The following BOP1 variants were observed in gnomAD, a reference collection of about 807,000 sequenced individuals.
The protein encoded by BOP1 is BOP1 ribosomal biogenesis factor, also known as ribosome biogenesis protein BOP1.
BOP1 carries 54 observed loss-of-function variants against 82.9 expected under a neutral mutation model. The ratio of observed to expected loss-of-function variants is 0.65; its 90% CI spans 0.52 to 0.82. The LOEUF (loss-of-function observed/expected upper bound fraction) is 0.82. Ranked by LOEUF, BOP1 falls within the 40% of genes least tolerant of loss-of-function variation. The probability of loss-of-function intolerance (pLI) is 0.00; values close to 1 mark genes in which losing one functional copy is unlikely to be tolerated. For missense variants in BOP1, 1,170 were observed against 1,072.0 expected, an observed-to-expected ratio of 1.09 and a Z score of -1.28; for synonymous variants, 566 against 451.1, an observed-to-expected ratio of 1.25 and a Z score of -3.23.
intron 2 of BOP1, among the ~76,000 whole-genome samples, chr8:144,278,079 C>A (rs959261368): frequency 6.6e-6 from 1 of 152,224 alleles, no homozygotes; most frequent in Non-Finnish European, 1.5e-5. Context: ...CCGCAGTGTG[C>A]GTGGCCTGAC....
intron 3 of BOP1, chr8:144,266,420 C>T: frequency 3.7e-6 from 3 of 812,808 alleles, no homozygotes; most frequent in Non-Finnish European, 4.5e-6. Flanking sequence ...GGCCGGGACG[C>T]CGCTATAAAG....
Position 144,265,026 on chromosome 8 carries a change from C to G in BOP1, c.436G>C (p.Asp146His). Residue 146 changes from aspartate to histidine, a missense_variant, in exon 4 of 16, where the codon GAC becomes CAC. By Grantham distance (81) the Asp-to-His change is moderately conservative. Transcript: ENST00000569669. ...VGNVPLEWYD[D>H]FPHVGYDLDG... ...AGGTCGTAGCCCACGTGGGGGAAGT[C>G]ATCGTACCACTCCAAGGGCACGTTG... is the stretch of plus-strand genomic sequence containing the variant. 1 of 1,612,248 alleles carries G rather than the reference C, an allele frequency of 6.2e-7. No homozygotes were observed. Among genetic ancestry groups the G allele is most frequent in the Non-Finnish European group, 8.5e-7 (1 of 1,179,726 alleles).
At chr8:144,278,011 C>T (rs1357593095) in intron 2 of BOP1, among the ~76,000 whole-genome samples, 2 of 152,312 alleles carry the variant, frequency 1.3e-5, no homozygotes, top group Non-Finnish European at 2.9e-5. Flanking sequence ...GACAGGACCC[C>T]CTCCCGCCAC....
rs782425390 is a variant in BOP1 at position 144,291,404 on chromosome 8, C to T, written c.-34G>A. On this transcript the variant is annotated 5_prime_UTR_variant, in exon 1 of 16. Transcript: ENST00000569669. The surrounding 1 kb of genome is among the most constrained non-coding windows in gnomAD (Gnocchi z 4.1). ...GCGCGCCGGCCGCCACCCGCACAGC[C>T]GCTTCCGACAGCGACCGGGCCGCGT... 162 of 1,142,944 alleles carry T rather than the reference C, an allele frequency of 1.4e-4. 1 individual carries two copies. The highest frequency in any genetic ancestry group is 4.8e-4 in the Admixed American group (10 of 20,632). The allele number at this position is 1,142,944 out of a possible 1,614,324, so 70.8% of individuals were successfully genotyped here.
chr8:144,275,867 AC>A (rs1554838256), intron 3 of BOP1, among the ~76,000 whole-genome samples: 1 of 142,022 alleles, frequency 7.0e-6, no homozygotes, highest in Non-Finnish European at 1.5e-5. Context: ...CCCGACCATG[AC>A]CCCCACCCAG....
At chr8:144,272,549 C>A (rs1356584225) in intron 3 of BOP1, among the ~76,000 whole-genome samples, 2 of 152,102 alleles carry the variant, frequency 1.3e-5, no homozygotes, top group African/African-American at 2.4e-5. Flanking sequence ...GCAAAGCCTC[C>A]GCTCAAGAGC....
chr8:144,285,781 C>A (rs569552513), intron 2 of BOP1, among the ~76,000 whole-genome samples: 1 of 152,248 alleles, frequency 6.6e-6, no homozygotes, highest in Non-Finnish European at 1.5e-5. Context: ...ATGGCTGTGG[C>A]GGGCGAGGGT....
At chr8:144,267,072 G>C in intron 3 of BOP1, 1 of 1,412,922 alleles carries the variant, frequency 7.1e-7, no homozygotes. Flanking sequence ...TCCACGCGGC[G>C]CGCGCCGGCA....
Position 144,262,422 on chromosome 8 carries a change from G to A in BOP1, c.2061C>T (p.Val687=). The change falls in exon 15 of 16, where the codon GTC becomes GTT. Residue 687 remains valine (V), a synonymous_variant. Coordinates refer to ENST00000569669, the MANE Select transcript of BOP1 (RefSeq NM_015201.5). ...TGTACACCATGCCATGGCAGACGAT[G>A]ACACTGCCGTCGTCCGAGCCTGACG... ...LFASGSDDGS[V]IVCHGMVYND... is the part of the protein sequence containing the mutation. 1 of 1,612,800 alleles carries A rather than the reference G, an allele frequency of 6.2e-7. No homozygotes were observed.
In BOP1 at chr8:144,289,268, T is replaced by C; in HGVS notation, c.136A>G (p.Thr46Ala). Residue 46 changes from threonine (T) to alanine (A), a missense_variant, in exon 2 of 16, where the codon ACC becomes GCC. Coordinates refer to ENST00000569669, the MANE Select transcript of BOP1 (RefSeq NM_015201.5). ...LLCTSPLSHS[T>A]GSDSGVSDSE... Reference sequence around the variant, plus strand: ...TCGGAGACGCCAGAATCGCTGCCGGTGCTGTGGCTGAGAGGAGAGGTGCAG... The same window carrying C: ...TCGGAGACGCCAGAATCGCTGCCGGCGCTGTGGCTGAGAGGAGAGGTGCAG... The C allele has an allele frequency of 6.2e-7, 1 of 1,614,026 alleles. No homozygotes were observed.
intron 3 of BOP1, chr8:144,265,284 G>A (rs1321715335): frequency 6.5e-5 from 40 of 616,694 alleles, no homozygotes; most frequent in East Asian, 4.7e-4. Context: ...CCTCGGAGGC[G>A]CCGGAGCTGC....
chr8:144,289,528 C>T (rs537027793), intron 1 of BOP1, among the ~76,000 whole-genome samples: 1 of 152,222 alleles, frequency 6.6e-6, no homozygotes, highest in African/African-American at 2.4e-5. Context: ...CCTTTGCCAT[C>T]GACATTTTAA....
chr8:144,277,512 G>A (rs1487775408), intron 2 of BOP1, among the ~76,000 whole-genome samples: 4 of 152,272 alleles, frequency 2.6e-5, no homozygotes, highest in East Asian at 1.9e-4. Context: ...CACAGTGGCC[G>A]GGGCTGAAGC....
chr8:144,262,530 CAGGCTCGGGCTGAAGGG>C, intron 14 of BOP1, 27 bp from the exon 15 acceptor site: 2 of 1,612,938 alleles, frequency 1.2e-6, no homozygotes, highest in Non-Finnish European at 1.7e-6. Context: ...AGGTTGAAGG[CAGGCTCGGGCTGAAGGG>C]AGGGGCTCTG....
At chr8:144,287,408 G>A (rs1467813035) in intron 2 of BOP1, among the ~76,000 whole-genome samples, 2 of 152,242 alleles carry the variant, frequency 1.3e-5, no homozygotes, top group Non-Finnish European at 2.9e-5. Flanking sequence ...ACCACTAACT[G>A]TGCTCACGGG....
chr8:144,287,952 G>A (rs1180229491), intron 2 of BOP1, among the ~76,000 whole-genome samples: 7 of 151,998 alleles, frequency 4.6e-5, no homozygotes, highest in South Asian at 2.1e-4. Flanking sequence ...CCTTACAAAC[G>A]ATTTCCAGAA....
At position 144,291,241 on chromosome 8, in the gene BOP1, G is replaced by GCGCCCCGC; in HGVS notation, c.99+23_99+30dup. On this transcript the variant is annotated intron_variant, in intron 1 of 15. Transcript: ENST00000569669. The surrounding 1 kb of genome is among the most constrained non-coding windows in gnomAD (Gnocchi z 4.1). ...CGTGCCCGCCGGGCCCTCTAGGGAC[G>GCGCCCCGC]CGCCCCGCCGCCCCGCATCGCCACA... 3 of 1,437,616 alleles carry GCGCCCCGC rather than the reference G, an allele frequency of 2.1e-6. No homozygotes were observed. The highest frequency in any genetic ancestry group is 2.7e-6 in the Non-Finnish European group (3 of 1,097,586). 89.1% of individuals were successfully genotyped at this position (1,437,616 alleles called of 1,614,324 possible). A position where few individuals can be genotyped will look rare whatever the true frequency, so the allele number is the denominator to read the frequency against.
chr8:144,286,624 G>A (rs906910439), intron 2 of BOP1, among the ~76,000 whole-genome samples: 2 of 152,094 alleles, frequency 1.3e-5, no homozygotes, highest in Non-Finnish European at 2.9e-5. Context: ...CGGCCCCTCA[G>A]CTAAAGCACA....
rs1396885710 is a variant in BOP1, at chr8:144,268,490, C to A, written c.391-3419G>T. 9.7e-6 allele frequency: 4 copies of A among 410,616 alleles called. No homozygotes were observed. In the East Asian group the frequency reaches 2.0e-4, roughly 21 times the overall value. 25.4% of individuals were successfully genotyped at this position (410,616 alleles called of 1,614,324 possible). ...AAACAGTATCTTCCAAATATGGAGG[C>A]CAACTGTCCTCATGAAAGGTTCAGA... On this transcript the variant is annotated intron_variant, in intron 3 of 15. Coordinates refer to ENST00000569669, the MANE Select transcript of BOP1 (RefSeq NM_015201.5).
Sources: allele counts gnomAD v4.1 joint callset (sites outside exome capture counted in the v4.1 genomes callset), GRCh38; gene constraint gnomAD v4.1.1; non-coding constraint Gnocchi (gnomAD v3.1); transcripts MANE v1.5; gene names NCBI Gene and HGNC (gene_info 2026-07-23, HGNC 2026-07-21).